The following ZNF391 variants were observed in gnomAD, a reference collection of about 807,000 sequenced individuals.
ZNF391 encodes the protein zinc finger protein 391.
For synonymous variants in ZNF391, 126 were observed against 142.1 expected (o/e 0.89, Z 0.80); for missense variants, 375 against 425.5 (o/e 0.88, Z 1.04).
chr6:27,396,454 G>A (rs1761828328), intron 1 of ZNF391, among the ~76,000 whole-genome samples: 1 of 152,172 alleles, frequency 6.6e-6, no homozygotes, highest in Non-Finnish European at 1.5e-5. Flanking sequence ...GCTGGACGTG[G>A]TGGCTCATGC....
At chr6:27,392,221 C>A (rs1011239657) in intron 1 of ZNF391, among the ~76,000 whole-genome samples, 2 of 152,130 alleles carry the variant, frequency 1.3e-5, no homozygotes, top group African/African-American at 2.4e-5. Flanking sequence ...GCTGAGGATG[C>A]CACTTGCACT....
chr6:27,393,158 C>G (rs980963), intron 1 of ZNF391, among the ~76,000 whole-genome samples: 1 of 152,142 alleles, frequency 6.6e-6, no homozygotes, highest in African/African-American at 2.4e-5. Context: ...AACAACTACA[C>G]TTTGAGACTC....
At chr6:27,388,212 T>A (rs1761614800), upstream of ZNF391, among the ~76,000 whole-genome samples, 1 of 152,248 alleles carries the variant, frequency 6.6e-6, no homozygotes, top group Non-Finnish European at 1.5e-5. Flanking sequence ...ATTGTGCAAC[T>A]TCATTACCTT....
intron 1 of ZNF391, among the ~76,000 whole-genome samples, chr6:27,389,861 CTGA>C (rs1184382802): frequency 1.7e-5 from 2 of 121,058 alleles, no homozygotes; most frequent in African/African-American, 6.0e-5. Context: ...GTTTATGTTT[CTGA>C]TGATGAAGGT....
In ZNF391 at chr6:27,402,253, A is replaced by G. The variant is rs920595600; in HGVS notation, c.*806A>G. The stretch of plus-strand genomic sequence containing the variant: ...TTTTGTTTGTTTTTAATTTTCTTTC[A>G]TTTACAGATTTCATGAAACTTATAT... On this transcript the variant is annotated 3_prime_UTR_variant, in exon 3 of 3. Coordinates refer to ENST00000244576, the MANE Select transcript of ZNF391 (RefSeq NM_001076781.3). The G allele has an allele frequency of 6.6e-6, 1 of 151,948 alleles. No homozygotes were observed. Among genetic ancestry groups the G allele is most frequent in the African/African-American group, 2.4e-5 (1 of 41,338 alleles). 9.4% of individuals were successfully genotyped at this position (151,948 alleles called of 1,614,324 possible). A position where few individuals can be genotyped will look rare whatever the true frequency, so the allele number is the denominator to read the frequency against.
intron 1 of ZNF391, among the ~76,000 whole-genome samples, chr6:27,391,862 CTTTTT>C (rs1159575301): frequency 6.6e-6 from 1 of 151,830 alleles, no homozygotes; most frequent in Non-Finnish European, 1.5e-5. Context: ...TGAACACAGG[CTTTTT>C]TTTGGCCTAT....
upstream of ZNF391, among the ~76,000 whole-genome samples, chr6:27,386,553 A>G (rs1190581966): frequency 6.6e-6 from 1 of 152,140 alleles, no homozygotes; most frequent in Non-Finnish European, 1.5e-5. Flanking sequence ...GAATAAGAAT[A>G]GGAATATAGA....
intron 1 of ZNF391, among the ~76,000 whole-genome samples, chr6:27,380,559 G>A (rs960755737): frequency 2.0e-5 from 3 of 152,208 alleles, no homozygotes; most frequent in Non-Finnish European, 2.9e-5. Flanking sequence ...CAGTGTGGAA[G>A]GGGTTGCCAC....
At chr6:27,389,371 G>C (rs1483677129) in intron 1 of ZNF391, 1 of 455,434 alleles carries the variant, frequency 2.2e-6, no homozygotes, top group Non-Finnish European at 4.4e-6. Context: ...CGGTACTGGG[G>C]TGTTTCCCAG....
chr6:27,379,617 C>G (rs1433360042), intron 1 of ZNF391, among the ~76,000 whole-genome samples: 2 of 152,106 alleles, frequency 1.3e-5, no homozygotes, highest in Admixed American at 6.6e-5. Flanking sequence ...CAGGGGACCC[C>G]CCCCCATACT....
intron 1 of ZNF391, among the ~76,000 whole-genome samples, chr6:27,392,740 G>C (rs1761741754): frequency 6.6e-6 from 1 of 152,256 alleles, no homozygotes; most frequent in Non-Finnish European, 1.5e-5. Context: ...TAAACAGAAA[G>C]TGTGATTCAG....
Position 27,401,115 on chromosome 6 carries a change from T to G in ZNF391, c.745T>G (p.Tyr249Asp). Reference sequence around the variant, plus strand: ...ACGAATACACACTGGAGAGAATCCCTATGAATGCAGTAAATGTGGAAAAGC... The same window carrying G: ...ACGAATACACACTGGAGAGAATCCCGATGAATGCAGTAAATGTGGAAAAGC... ...HQRIHTGENP[Y>D]ECSKCGKAFS... Residue 249 changes from tyrosine to aspartate, a missense_variant, in exon 3 of 3, where the codon TAT becomes GAT. Tyr to Asp is a radical substitution (Grantham distance 160, BLOSUM62 -3). Coordinates refer to ENST00000244576, the MANE Select transcript of ZNF391 (RefSeq NM_001076781.3). The G allele has an allele frequency of 6.2e-7, 1 of 1,614,230 alleles. No homozygotes were observed. Among genetic ancestry groups the G allele is most frequent in the Non-Finnish European group, 8.5e-7 (1 of 1,180,034 alleles).
chr6:27,384,304 A>G (rs915232285), upstream of ZNF391, among the ~76,000 whole-genome samples: 9 of 151,862 alleles, frequency 5.9e-5, no homozygotes, highest in Non-Finnish European at 1.3e-4. Context: ...TCTCTACTAA[A>G]AATACAAAAA....
chr6:27,384,328 G>A (rs562692677), upstream of ZNF391, among the ~76,000 whole-genome samples: 16 of 151,856 alleles, frequency 1.1e-4, no homozygotes, highest in Non-Finnish European at 2.1e-4. Context: ...GCCTGGTTTG[G>A]TGGTACATGC....
rs2113632524 is a variant in ZNF391 at position 27,374,776 on chromosome 6, G to A, written n.162G>A. 6.6e-6 allele frequency: 1 copy of A among 152,216 alleles called. No homozygotes were observed. The highest frequency in any genetic ancestry group is 2.4e-5 in the African/African-American group (1 of 41,522). 9.4% of individuals were successfully genotyped at this position (152,216 alleles called of 1,614,324 possible). A position where few individuals can be genotyped will look rare whatever the true frequency, so the allele number is the denominator to read the frequency against. On this transcript the variant is annotated non_coding_transcript_exon_variant, in exon 1 of 3. Coordinates refer to the ZNF391 transcript ENST00000477999. This position sits in a 1 kb window ranked among gnomAD's most constrained non-coding sequence, Gnocchi z 5.3. ...CTGAGCCCGGAATTTTATGACCAGC[G>A]CCCGCTGGCCGTCGTCACCCTCTAA...
chr6:27,392,716 C>A (rs1761741309), intron 1 of ZNF391, among the ~76,000 whole-genome samples: 1 of 152,208 alleles, frequency 6.6e-6, no homozygotes, highest in Non-Finnish European at 1.5e-5. Flanking sequence ...GTTTCTTGGC[C>A]ATTTACAGGC....
intron 1 of ZNF391, among the ~76,000 whole-genome samples, chr6:27,375,841 A>G (rs12374607): frequency 0.048 from 7,292 of 152,268 alleles, 251 homozygotes; most frequent in Non-Finnish European, 0.071. Flanking sequence ...CAAGGAAGGG[A>G]CAAAGGGATT....
At chr6:27,378,930 TAA>T (rs33923217) in intron 1 of ZNF391, among the ~76,000 whole-genome samples, 94 of 147,612 alleles carry the variant, frequency 6.4e-4, no homozygotes, top group South Asian at 6.4e-4. Context: ...ACTCTGTCTC[TAA>T]AAAAAAAAAA....
At chr6:27,389,938 A>ATTGTGT (rs56307706) in intron 1 of ZNF391, among the ~76,000 whole-genome samples, 107,186 of 151,826 alleles carry the variant, frequency 0.71, 38,062 homozygotes, top group Middle Eastern at 0.8. Context: ...ACTGTGGATC[A>ATTGTGT]TTGAGTTTGT....
Sources: allele counts gnomAD v4.1 joint callset (sites outside exome capture counted in the v4.1 genomes callset), GRCh38; gene constraint gnomAD v4.1.1; non-coding constraint Gnocchi (gnomAD v3.1); transcripts MANE v1.5; gene names NCBI Gene and HGNC (gene_info 2026-07-23, HGNC 2026-07-21).